FTO: variants seen among roughly 807,000 people sequenced by gnomAD.
The protein encoded by FTO is FTO alpha-ketoglutarate dependent dioxygenase.
FTO carries 47 observed loss-of-function variants against 63.9 expected under a neutral mutation model. The ratio of observed to expected loss-of-function variants is 0.74; its 90% CI spans 0.58 to 0.94. FTO has a LOEUF of 0.94. FTO is among the 40% of genes least tolerant of loss of function. The pLI, the probability that FTO is intolerant of heterozygous loss-of-function variation, is 0.00. For missense variants in FTO, 562 were observed against 618.1 expected (o/e 0.91, Z 0.96); for synonymous variants, 207 against 224.4 (o/e 0.92, Z 0.69).
intron 7 of FTO, among the ~76,000 whole-genome samples, chr16:53,930,375 C>A (rs1410851007): frequency 6.6e-6 from 1 of 151,632 alleles, no homozygotes; most frequent in Non-Finnish European, 1.5e-5. Flanking sequence ...GGGCACCTGC[C>A]ACCACGCCCG....
At chr16:54,108,614 A>G (rs1430627733) in intron 8 of FTO, among the ~76,000 whole-genome samples, 1 of 152,214 alleles carries the variant, frequency 6.6e-6, no homozygotes, top group African/African-American at 2.4e-5. Context: ...CTCATCTGCC[A>G]CTGGTACCTG....
chr16:53,996,436 A>G (rs2083933568), intron 8 of FTO, among the ~76,000 whole-genome samples: 1 of 152,230 alleles, frequency 6.6e-6, no homozygotes, highest in Non-Finnish European at 1.5e-5. Flanking sequence ...TGGAGCATTC[A>G]TCATTCAAGA....
chr16:53,957,799 C>T (rs1344422756), intron 8 of FTO, among the ~76,000 whole-genome samples: 1 of 152,178 alleles, frequency 6.6e-6, no homozygotes, highest in Non-Finnish European at 1.5e-5. Context: ...TTTATTTATT[C>T]ATTGGAGTTG....
intron 8 of FTO, among the ~76,000 whole-genome samples, chr16:53,954,355 G>A (rs35510800): frequency 0.27 from 41,633 of 151,804 alleles, 5,799 homozygotes; most frequent in African/African-American, 0.34. Context: ...TTTTTCCCTA[G>A]ACCTACCTCA....
chr16:53,876,539 A>G (rs2080659527), intron 5 of FTO, among the ~76,000 whole-genome samples: 1 of 152,258 alleles, frequency 6.6e-6, no homozygotes. Flanking sequence ...CATATATCTC[A>G]TAAAGCACTT....
chr16:53,708,000 T>C (rs563580954), intron 1 of FTO, among the ~76,000 whole-genome samples: 2 of 152,372 alleles, frequency 1.3e-5, no homozygotes, highest in East Asian at 3.9e-4. Context: ...CAGGATGTTT[T>C]TGAGGTTCAT....
intron 8 of FTO, among the ~76,000 whole-genome samples, chr16:54,091,127 C>T (rs1408584920): frequency 4.6e-5 from 7 of 152,134 alleles, no homozygotes; most frequent in Admixed American, 2.0e-4. Context: ...AGGTGTGGTC[C>T]GTTGGAGGCC....
At chr16:53,810,002 G>C in intron 1 of FTO, 138 bp from the exon 2 acceptor site, 1 of 599,896 alleles carries the variant, frequency 1.7e-6, no homozygotes, top group Non-Finnish European at 3.0e-6. Flanking sequence ...ATTGAGATTT[G>C]ACTAATTTCT....
chr16:54,016,687 G>A (rs982665507), intron 8 of FTO, among the ~76,000 whole-genome samples: 10 of 152,288 alleles, frequency 6.6e-5, no homozygotes, highest in South Asian at 2.1e-4. Flanking sequence ...TGTGCCCAAC[G>A]AAGTGGGAAG....
chr16:54,107,993 G>A (rs374201237), intron 8 of FTO, among the ~76,000 whole-genome samples: 19 of 152,282 alleles, frequency 1.2e-4, no homozygotes, highest in Non-Finnish European at 1.9e-4. Flanking sequence ...ATGTACTGAC[G>A]TAGCTTAAGC....
rs1029668853 is a variant in FTO, at chr16:53,961,143, C to T, written c.1364+27034C>T. Reference sequence around the variant, plus strand: ...GAGAGATCCTGCCATCAGAGGCTCTCCTTTTTTTTTTTTCCCCTCTCCTGC... The same window carrying T: ...GAGAGATCCTGCCATCAGAGGCTCTTCTTTTTTTTTTTTCCCCTCTCCTGC... On this transcript the variant is annotated intron_variant, in intron 8 of 8. Transcript: ENST00000471389. 2.7e-4 allele frequency among the ~76,000 whole-genome samples: 41 copies of T among 152,066 alleles called. 1 individual carries two copies. In the South Asian group the frequency reaches 3.3e-3, roughly 12 times the overall value.
intron 1 of FTO, among the ~76,000 whole-genome samples, chr16:53,733,478 G>A (rs2076318827): frequency 6.6e-6 from 1 of 152,146 alleles, no homozygotes; most frequent in Non-Finnish European, 1.5e-5. Flanking sequence ...TAGGCTCTGA[G>A]GAGATATCAA....
chr16:53,897,510 T>C (rs1598936541), intron 7 of FTO, among the ~76,000 whole-genome samples: 1 of 152,190 alleles, frequency 6.6e-6, no homozygotes, highest in East Asian at 1.9e-4. Context: ...TATTAAATAT[T>C]ATTAATTGAA....
chr16:54,048,126 T>TAAAAAA (rs71380060), intron 8 of FTO, among the ~76,000 whole-genome samples: 1,078 of 55,832 alleles, frequency 0.019, 27 homozygotes, highest in African/African-American at 0.058. Flanking sequence ...AAAAAAAAAT[T>TAAAAAA]AAAAAAAAAA....
At chr16:53,903,515 T>G (rs1476588567) in intron 7 of FTO, among the ~76,000 whole-genome samples, 2 of 152,172 alleles carry the variant, frequency 1.3e-5, no homozygotes, top group Admixed American at 6.5e-5. Flanking sequence ...CGCCTCAGCC[T>G]CCCAAAGTGC....
At chr16:53,899,141 C>T (rs1419816737) in intron 7 of FTO, among the ~76,000 whole-genome samples, 1 of 152,116 alleles carries the variant, frequency 6.6e-6, no homozygotes, top group African/African-American at 2.4e-5. Flanking sequence ...ACTGAGGGCA[C>T]AGAGGACAGT....
intron 1 of FTO, among the ~76,000 whole-genome samples, chr16:53,766,068 G>A (rs2077193854): frequency 1.3e-5 from 2 of 152,290 alleles, no homozygotes; most frequent in South Asian, 4.1e-4. Flanking sequence ...GGCCCAGTTG[G>A]TGACTGTGCA....
At chr16:53,752,026 C>T (rs141846297) in intron 1 of FTO, among the ~76,000 whole-genome samples, 2 of 152,262 alleles carry the variant, frequency 1.3e-5, no homozygotes, top group African/African-American at 4.8e-5. Flanking sequence ...ATTTTTTGTA[C>T]TGGCACATGG....
At chr16:53,852,695 T>C (rs886479841) in intron 4 of FTO, among the ~76,000 whole-genome samples, 12 of 152,246 alleles carry the variant, frequency 7.9e-5, no homozygotes, top group African/African-American at 2.7e-4. Context: ...TGAAGAATAC[T>C]GCACATGTCA....
Sources: allele counts gnomAD v4.1 joint callset (sites outside exome capture counted in the v4.1 genomes callset), GRCh38; gene constraint gnomAD v4.1.1; transcripts MANE v1.5; gene names NCBI Gene and HGNC (gene_info 2026-07-23, HGNC 2026-07-21).